The following XRCC4 variants were observed in gnomAD, a reference collection of about 807,000 sequenced individuals.
The protein encoded by XRCC4 is X-ray repair cross complementing 4.
XRCC4 carries 28 observed loss-of-function variants against 39.1 expected under a neutral mutation model. That is an observed-to-expected ratio of 0.72 (90% CI 0.53 to 0.98). XRCC4 has a LOEUF of 0.98. Ranked by LOEUF, XRCC4 falls within the 50% of genes least tolerant of loss-of-function variation. XRCC4 has a pLI of 0.00. For synonymous variants in XRCC4, 123 were observed against 126.4 expected, an observed-to-expected ratio of 0.97 and a Z score of 0.18; for missense variants, 350 against 376.4, an observed-to-expected ratio of 0.93 and a Z score of 0.58.
At chr5:83,215,789 A>C (rs1751836295) in intron 6 of XRCC4, among the ~76,000 whole-genome samples, 1 of 152,196 alleles carries the variant, frequency 6.6e-6, no homozygotes, top group Non-Finnish European at 1.5e-5. Flanking sequence ...ACAGTTACAC[A>C]GGTGTTTACC....
the XRCC4 span, among the ~76,000 whole-genome samples, chr5:83,360,954 A>G: frequency 1.3e-5 from 2 of 152,174 alleles, no homozygotes; most frequent in African/African-American, 4.8e-5. Context: ...CTTCTAGTAT[A>G]TTCATGAAAC....
intron 7 of XRCC4, among the ~76,000 whole-genome samples, chr5:83,282,734 C>T (rs538251511): frequency 2.6e-5 from 4 of 151,896 alleles, no homozygotes; most frequent in South Asian, 4.2e-4. Flanking sequence ...CCCAACTACT[C>T]GGGAGGCTGA....
At position 83,242,703 on chromosome 5, in the gene XRCC4, C is replaced by T. The variant is rs114300111; in HGVS notation, c.746-15827C>T. On this transcript the variant is annotated intron_variant, in intron 6 of 7. Transcript: ENST00000396027. ...TATAATCAACACTTGCTACTTTAAC[C>T]TCCCATCACCGAGGCCCTTTTTCCT... Among the ~76,000 whole-genome samples the T allele has an allele frequency of 4.6e-3, 695 of 152,228 alleles. 6 individuals are homozygous for T. Among genetic ancestry groups the T allele is most frequent in the African/African-American group, 0.016 (675 of 41,524 alleles).
chr5:83,267,787 C>A (rs572313139), intron 7 of XRCC4, among the ~76,000 whole-genome samples: 1 of 152,102 alleles, frequency 6.6e-6, no homozygotes, highest in Admixed American at 6.6e-5. Flanking sequence ...CTGGGATAGT[C>A]CCTTACTAAA....
chr5:83,296,187 A>G (rs1194664560), intron 7 of XRCC4, among the ~76,000 whole-genome samples: 2 of 152,110 alleles, frequency 1.3e-5, no homozygotes, highest in East Asian at 1.9e-4. Context: ...TAAGTTACAT[A>G]TCTCTCTTGA....
At chr5:83,158,607 A>G (rs1749065946) in intron 3 of XRCC4, among the ~76,000 whole-genome samples, 1 of 152,136 alleles carries the variant, frequency 6.6e-6, no homozygotes, top group South Asian at 2.1e-4. Context: ...TCATGAATAG[A>G]CAAAGACAAT....
chr5:83,153,351 G>A (rs1748807853), intron 3 of XRCC4, among the ~76,000 whole-genome samples: 1 of 151,952 alleles, frequency 6.6e-6, no homozygotes, highest in African/African-American at 2.4e-5. Context: ...TGGGATTACA[G>A]GTGCCCACCA....
intron 6 of XRCC4, among the ~76,000 whole-genome samples, chr5:83,227,078 C>T: frequency 6.6e-6 from 1 of 151,900 alleles, no homozygotes; most frequent in East Asian, 1.9e-4. Context: ...GTTCTCTGTG[C>T]TTTAGGCTAA....
intron 7 of XRCC4, among the ~76,000 whole-genome samples, chr5:83,315,955 C>A (rs1203059558): frequency 1.3e-5 from 2 of 152,094 alleles, no homozygotes; most frequent in African/African-American, 4.8e-5. Context: ...GATAGTGATT[C>A]CTCTGATGGA....
At chr5:83,323,196 T>C (rs577705441) in intron 7 of XRCC4, among the ~76,000 whole-genome samples, 65 of 152,058 alleles carry the variant, frequency 4.3e-4, no homozygotes, top group Non-Finnish European at 8.1e-4. Context: ...TATGGTGAGT[T>C]TTATAATGCA....
chr5:83,269,325 A>C (rs1335969560), intron 7 of XRCC4, among the ~76,000 whole-genome samples: 1 of 151,984 alleles, frequency 6.6e-6, no homozygotes, highest in Non-Finnish European at 1.5e-5. Flanking sequence ...CACCAAACGA[A>C]AGAGACCAGG....
At chr5:83,085,004 A>G (rs1043390497) in intron 1 of XRCC4, among the ~76,000 whole-genome samples, 5 of 152,216 alleles carry the variant, frequency 3.3e-5, no homozygotes, top group Non-Finnish European at 5.9e-5. Context: ...ATCAAAAACA[A>G]ATATTACCTG....
chr5:83,236,775 G>A (rs535944230), intron 6 of XRCC4, among the ~76,000 whole-genome samples: 16 of 149,416 alleles, frequency 1.1e-4, no homozygotes, highest in African/African-American at 3.7e-4. Context: ...AAAGTGAAGA[G>A]AACAACCCAC....
At chr5:83,168,279 A>G (rs1296989828) in intron 3 of XRCC4, among the ~76,000 whole-genome samples, 1 of 152,188 alleles carries the variant, frequency 6.6e-6, no homozygotes, top group Admixed American at 6.5e-5. Context: ...CACTTGAAGG[A>G]AATAAGTGCT....
At chr5:83,112,072 A>T (rs376893052) in intron 3 of XRCC4, among the ~76,000 whole-genome samples, 3 of 152,218 alleles carry the variant, frequency 2.0e-5, no homozygotes, top group East Asian at 1.9e-4. Flanking sequence ...AAATGGAGTC[A>T]TTATAAATTT....
At chr5:83,161,373 C>T (rs10068099) in intron 3 of XRCC4, among the ~76,000 whole-genome samples, 61,280 of 151,786 alleles carry the variant, frequency 0.4, 12,846 homozygotes, top group South Asian at 0.48. Context: ...CTCAGGTAAT[C>T]CACAGGCCTC....
rs1037315865 is a variant in XRCC4, at chr5:83,219,718, C to T, written c.745+14797C>T. On this transcript the variant is annotated intron_variant, in intron 6 of 7. Transcript: ENST00000396027. ...TAAATGTATACTACACACTGGATTTCGAAAACCTGCTATGACTAAGTATGA... is the reference window on the plus strand; with the variant it reads ...TAAATGTATACTACACACTGGATTTTGAAAACCTGCTATGACTAAGTATGA... Among the ~76,000 whole-genome samples the T allele has an allele frequency of 3.9e-5, 6 of 151,934 alleles. No individual in the cohort carries two copies. The East Asian group carries it at 9.7e-4, about 24-fold the overall frequency.
At chr5:83,280,473 T>A in intron 7 of XRCC4, 2 of 816,870 alleles carry the variant, frequency 2.4e-6, no homozygotes, top group Non-Finnish European at 4.1e-6. Flanking sequence ...TAGGCAAAAT[T>A]GAGGTATGTA....
intron 3 of XRCC4, among the ~76,000 whole-genome samples, chr5:83,113,893 T>G (rs1486604939): frequency 6.6e-6 from 1 of 152,236 alleles, no homozygotes; most frequent in Non-Finnish European, 1.5e-5. Flanking sequence ...CCCAAAGTGC[T>G]GGGATTACAG....
Sources: gnomAD v4.1 joint callset for allele counts (sites outside exome capture counted in the v4.1 genomes callset) on GRCh38, gnomAD v4.1.1 for gene constraint, MANE v1.5 for transcripts, NCBI Gene and HGNC (gene_info 2026-07-23, HGNC 2026-07-21) for gene names.